Variants in TPM2 observed in about 807,000 individuals in gnomAD.
TPM2 encodes tropomyosin beta chain.
Under a neutral mutation model 41.0 loss-of-function variants are expected in TPM2, and 26 were observed. The ratio of observed to expected loss-of-function variants is 0.63; its 90% CI spans 0.46 to 0.88. The LOEUF (loss-of-function observed/expected upper bound fraction) is 0.88, where lower values mean the gene tolerates loss of function less well. Among genes scored for constraint, TPM2 ranks in the 40% least tolerant of loss-of-function variants. The pLI, the probability that TPM2 is intolerant of heterozygous loss-of-function variation, is 0.00. For synonymous variants in TPM2, 143 were observed against 139.3 expected (o/e 1.03, Z -0.19); for missense variants, 187 against 355.2 (o/e 0.53, Z 3.81).
At chr9:35,689,635 G>T in intron 1 of TPM2, 69 bp downstream of exon 1, 1 of 1,601,048 alleles carries the variant, frequency 6.2e-7, no homozygotes, top group Non-Finnish European at 8.5e-7. Context: ...GGGGCTGGGG[G>T]ACCCATGGCA....
intron 2 of TPM2, among the ~76,000 whole-genome samples, 195 bp downstream of exon 2, chr9:35,688,951 G>A (rs145807680): frequency 2.3e-3 from 357 of 152,314 alleles, no homozygotes; most frequent in African/African-American, 7.7e-3. Context: ...GGAAGTGGTA[G>A]GTGGTTTTGA....
chr9:35,685,646 C>T lies in TPM2; in HGVS notation c.374+1G>A, dbSNP rs112850803. On this transcript the variant is annotated splice_donor_variant, in intron 3 of 8. Transcript: ENST00000645482. LOFTEE classifies it high-confidence loss of function. The surrounding 1 kb of genome is among the most constrained non-coding windows in gnomAD (Gnocchi z 5.0). The stretch of plus-strand genomic sequence containing the variant: ...CCATCCTCCCCGAGGCCCCTGACCA[C>T]CTCTCGCTCTCATCAGCCGCCTTCT... The T allele has an allele frequency of 1.2e-6, 2 of 1,614,168 alleles. No homozygotes were observed. The highest frequency in any genetic ancestry group is 1.7e-6 in the Non-Finnish European group (2 of 1,180,030).
At chr9:35,689,606 A>C (rs911233676) in intron 1 of TPM2, 98 bp downstream of exon 1, 185 of 1,590,260 alleles carry the variant, frequency 1.2e-4, no homozygotes, top group Non-Finnish European at 1.5e-4. Flanking sequence ...GGTGAGAGAG[A>C]GCCTTGGCGG....
chr9:35,683,246 G>T lies in TPM2; in HGVS notation c.773-5C>A, dbSNP rs1230541017. On this transcript the variant is annotated splice_polypyrimidine_tract_variant and splice_region_variant and intron_variant, in intron 8 of 8. Transcript: ENST00000645482. ...TCTTCTGGGCATAGACTTCATCTGG[G>T]GGGGGTCCAGGGAGGGGACCAGGTG... The T allele has an allele frequency of 6.4e-7, 1 of 1,552,530 alleles. No individual in the cohort carries two copies. Among genetic ancestry groups the T allele is most frequent in the Non-Finnish European group, 8.7e-7 (1 of 1,146,612 alleles).
At position 35,685,601 on chromosome 9, in the gene TPM2, G is replaced by A; in HGVS notation, c.374+46C>T. 6.2e-7 allele frequency: 1 copy of A among 1,614,106 alleles called. No individual in the cohort carries two copies. Among genetic ancestry groups the A allele is most frequent in the Non-Finnish European group, 8.5e-7 (1 of 1,180,006 alleles). ...GTAGGGTCAGGACCAGCAGAGACAG[G>A]CTCCCTTCTCCCTCCCGGACCATCC... On this transcript the variant is annotated intron_variant, in intron 3 of 8. Coordinates refer to ENST00000645482, the MANE Select transcript of TPM2 (RefSeq NM_003289.4). The surrounding 1 kb of genome is among the most constrained non-coding windows in gnomAD (Gnocchi z 5.0).
At chr9:35,684,208 A>G (rs755232634) in intron 8 of TPM2, 38 bp downstream of exon 8, 2 of 1,597,418 alleles carry the variant, frequency 1.3e-6, no homozygotes, top group African/African-American at 1.3e-5. Context: ...ACTGATAATC[A>G]CGGCAGGTGT....
In TPM2 at chr9:35,685,390, G is replaced by T; in HGVS notation, c.492+44C>A. ...AGATCAGTGGAGAAGGACTGGGCAT[G>T]TTGCAGGCTGGGCAGCGAGCAGGCA... On this transcript the variant is annotated intron_variant, in intron 4 of 8. Coordinates refer to ENST00000645482, the MANE Select transcript of TPM2 (RefSeq NM_003289.4). The surrounding 1 kb of genome is among the most constrained non-coding windows in gnomAD (Gnocchi z 5.0). The T allele has an allele frequency of 6.2e-7, 1 of 1,614,128 alleles. No homozygotes were observed. The highest frequency in any genetic ancestry group is 1.7e-5 in the Admixed American group (1 of 60,028).
downstream of TPM2, chr9:35,682,840 G>A (rs1824650005): frequency 7.1e-7 from 1 of 1,415,472 alleles, no homozygotes. Flanking sequence ...AGGGGCTGGG[G>A]GTGTCAGTAA....
At chr9:35,688,931 G>C (rs1157897468) in intron 2 of TPM2, among the ~76,000 whole-genome samples, 1 of 152,218 alleles carries the variant, frequency 6.6e-6, no homozygotes, top group Non-Finnish European at 1.5e-5. Context: ...ACAGGGCTAA[G>C]TCCTCTGGGG....
chr9:35,684,826 G>A lies in TPM2; in HGVS notation c.564-19C>T, dbSNP rs1374322376. On this transcript the variant is annotated intron_variant, in intron 5 of 8. Transcript: ENST00000645482. ...ACATTTACTGCAGGGGGTGTGTGGC[G>A]GGGGGGGCAGGGTGTGAGGGCACAG... 5 of 1,473,904 alleles carry A rather than the reference G, an allele frequency of 3.4e-6. No individual in the cohort carries two copies. Among genetic ancestry groups the A allele is most frequent in the East Asian group, 2.5e-5 (1 of 40,290 alleles). 91.3% of individuals were successfully genotyped at this position (1,473,904 alleles called of 1,614,324 possible).
At position 35,684,485 on chromosome 9, in the gene TPM2, C is replaced by T; in HGVS notation, c.702+3G>A. On this transcript the variant is annotated splice_donor_region_variant and intron_variant, in intron 7 of 8. Coordinates refer to ENST00000645482, the MANE Select transcript of TPM2 (RefSeq NM_003289.4). ...AGACTGGGAACTGGAAGAGGACTCT[C>T]ACCTCCTTCAGCTTCTCCTCCAACA... The T allele has an allele frequency of 6.2e-7, 1 of 1,614,196 alleles. No individual in the cohort carries two copies. The highest frequency in any genetic ancestry group is 8.5e-7 in the Non-Finnish European group (1 of 1,180,030).
In TPM2 at chr9:35,688,995, T is replaced by C. The variant is rs1433559862; in HGVS notation, c.240+151A>G. On this transcript the variant is annotated intron_variant, in intron 2 of 8. Coordinates refer to ENST00000645482, the MANE Select transcript of TPM2 (RefSeq NM_003289.4). ...CTGTCTTGGATTACTTGTGTAAGTT[T>C]ACCCTAGCCCTGGTTACTGAGATGA... is the stretch of plus-strand genomic sequence containing the variant. 7 of 913,008 alleles carry C rather than the reference T, an allele frequency of 7.7e-6. No individual in the cohort carries two copies. In the Admixed American group the frequency reaches 1.2e-4, roughly 15 times the overall value. The allele number at this position is 913,008 out of a possible 1,614,324, so 56.6% of individuals were successfully genotyped here.
At chr9:35,687,152 A>T (rs920664580) in intron 2 of TPM2, among the ~76,000 whole-genome samples, 4 of 152,186 alleles carry the variant, frequency 2.6e-5, no homozygotes, top group Non-Finnish European at 4.4e-5. Context: ...TACTCAGTTA[A>T]TCAACAGGAC....
Position 35,685,904 on chromosome 9 carries a change from A to C in TPM2, c.241-124T>G. 6.6e-7 allele frequency: 1 copy of C among 1,507,532 alleles called. No homozygotes were observed. Among genetic ancestry groups the C allele is most frequent in the Non-Finnish European group, 9.1e-7 (1 of 1,098,982 alleles). 93.4% of individuals were successfully genotyped at this position (1,507,532 alleles called of 1,614,324 possible). On this transcript the variant is annotated intron_variant, in intron 2 of 8. Transcript: ENST00000645482. This position sits in a 1 kb window ranked among gnomAD's most constrained non-coding sequence, Gnocchi z 5.0. The stretch of plus-strand genomic sequence containing the variant: ...AGGCTTCCTGGTTTCTAGACATTCT[A>C]TGTGATTTTTCCCCAACCAATCATC...
upstream of TPM2, chr9:35,690,035 C>A: frequency 7.3e-7 from 1 of 1,377,780 alleles, no homozygotes; most frequent in Non-Finnish European, 9.4e-7. Context: ...AGAAGCACGG[C>A]CCGGCCGGGG....
In TPM2 at chr9:35,684,503, C is replaced by T. The variant is rs757845263; in HGVS notation, c.687G>A (p.Glu229=). 7.4e-6 allele frequency: 12 copies of T among 1,614,106 alleles called. No individual in the cohort carries two copies. The highest frequency in any genetic ancestry group is 1.0e-5 in the Non-Finnish European group (12 of 1,180,038). The change falls in exon 7 of 9, where the codon GAG becomes GAA. Residue 229 remains glutamate, a synonymous_variant. Transcript: ENST00000645482. ...DKYEEEIKLL[E]EKLKEAETRA... ...GGACTCTCACCTCCTTCAGCTTCTC[C>T]TCCAACAGTTTGATCTCCTCTTCAT...
intron 2 of TPM2, among the ~76,000 whole-genome samples, chr9:35,687,781 G>T (rs1472713136): frequency 2.0e-5 from 3 of 147,440 alleles, no homozygotes; most frequent in Non-Finnish European, 4.5e-5. Context: ...GGTGACAAAA[G>T]ACTCTGGAAA....
intron 1 of TPM2, 158 bp downstream of exon 1, chr9:35,689,546 G>C (rs1032025757): frequency 2.1e-5 from 18 of 873,026 alleles, no homozygotes; most frequent in Non-Finnish European, 2.3e-5. Context: ...GGAGAGAAGC[G>C]GCTCTGGCGA....
In TPM2 at chr9:35,684,335, G is replaced by A; in HGVS notation, c.703-20C>T. 6.2e-7 allele frequency: 1 copy of A among 1,613,952 alleles called. No homozygotes were observed. The highest frequency in any genetic ancestry group is 8.5e-7 in the Non-Finnish European group (1 of 1,179,916). On this transcript the variant is annotated intron_variant, in intron 7 of 8. Coordinates refer to ENST00000645482, the MANE Select transcript of TPM2 (RefSeq NM_003289.4). ...CTCAGCCTGGGGGTAAAGGCAGGATGGGAGAAATGGCAAAGAATTAGGCCC... is the reference window on the plus strand; with the variant it reads ...CTCAGCCTGGGGGTAAAGGCAGGATAGGAGAAATGGCAAAGAATTAGGCCC...
Sources: allele counts gnomAD v4.1 joint callset (sites outside exome capture counted in the v4.1 genomes callset), GRCh38; gene constraint gnomAD v4.1.1; non-coding constraint Gnocchi (gnomAD v3.1); transcripts MANE v1.5; gene names NCBI Gene and HGNC (gene_info 2026-07-23, HGNC 2026-07-21).